The following WDPCP variants were observed in gnomAD, a reference collection of about 807,000 sequenced individuals.
The protein encoded by WDPCP is WD repeat-containing and planar cell polarity effector protein fritz homolog.
A neutral mutation model predicts 93.1 loss-of-function variants in WDPCP; 71 were observed. That is an observed-to-expected ratio of 0.76 (90% CI 0.63 to 0.93). The LOEUF (loss-of-function observed/expected upper bound fraction) is 0.93, where lower values mean the gene tolerates loss of function less well. WDPCP is among the 40% of genes least tolerant of loss of function. The pLI is 0.00. For missense variants in WDPCP, 844 were observed against 887.4 expected, an observed-to-expected ratio of 0.95 and a Z score of 0.62; for synonymous variants, 315 against 315.0, an observed-to-expected ratio of 1.00 and a Z score of 0.00.
intron 15 of WDPCP, among the ~76,000 whole-genome samples, chr2:63,156,939 C>T (rs1015583510): frequency 1.3e-4 from 20 of 151,976 alleles, no homozygotes; most frequent in African/African-American, 4.3e-4. Flanking sequence ...GGAGAACATT[C>T]AGTCTTTCTC....
chr2:63,594,499 C>A, intron 3 of WDPCP: 2 of 1,612,992 alleles, frequency 1.2e-6, no homozygotes, highest in South Asian at 1.1e-5. Flanking sequence ...CTGAACCAAT[C>A]AGAGTCCTTG....
chr2:63,186,773 A>G (rs1674666814), intron 14 of WDPCP, among the ~76,000 whole-genome samples: 1 of 150,064 alleles, frequency 6.7e-6, no homozygotes, highest in Non-Finnish European at 1.5e-5. Context: ...TGAATAAAAG[A>G]GCACTATATG....
intron 13 of WDPCP, among the ~76,000 whole-genome samples, chr2:63,277,177 TGA>T (rs908425718): frequency 3.6e-4 from 55 of 151,992 alleles, no homozygotes; most frequent in African/African-American, 1.2e-3. Context: ...AGACAAATGC[TGA>T]GAGAATTCGC....
At chr2:63,298,957 G>A (rs1347306370) in intron 13 of WDPCP, among the ~76,000 whole-genome samples, 1 of 152,228 alleles carries the variant, frequency 6.6e-6, no homozygotes, top group Non-Finnish European at 1.5e-5. Context: ...TATGTAGCCA[G>A]TAAGCCACAT....
At chr2:63,505,768 G>A (rs1701831609) in intron 1 of WDPCP, among the ~76,000 whole-genome samples, 1 of 151,952 alleles carries the variant, frequency 6.6e-6, no homozygotes, top group Non-Finnish European at 1.5e-5. Flanking sequence ...ATTATTTTTA[G>A]TATGATTCAA....
chr2:63,589,278 T>C, upstream of WDPCP: 1 of 1,551,140 alleles, frequency 6.4e-7, no homozygotes, highest in South Asian at 1.2e-5. Flanking sequence ...GAGAAGTAGT[T>C]GTCCTGGGAG....
intron 15 of WDPCP, chr2:63,168,580 T>G (rs1673164951): frequency 6.6e-6 from 1 of 152,206 alleles, no homozygotes; most frequent in African/African-American, 2.4e-5. Flanking sequence ...AATTTTGATA[T>G]ATTTGCTGTG....
intron 2 of WDPCP, among the ~76,000 whole-genome samples, chr2:63,690,508 A>G (rs904615813): frequency 5.3e-5 from 8 of 152,178 alleles, no homozygotes; most frequent in Non-Finnish European, 8.8e-5. Flanking sequence ...TAATCCCAGC[A>G]CTTTGGAGGC....
chr2:63,345,653 C>A (rs1689142031), intron 12 of WDPCP, among the ~76,000 whole-genome samples: 1 of 152,122 alleles, frequency 6.6e-6, no homozygotes, highest in Admixed American at 6.6e-5. Context: ...TGTTAAGATG[C>A]AACATCAAGG....
At chr2:63,287,403 C>T (rs1684086745) in intron 13 of WDPCP, among the ~76,000 whole-genome samples, 1 of 151,814 alleles carries the variant, frequency 6.6e-6, no homozygotes, top group Non-Finnish European at 1.5e-5. Context: ...TGACTTTTCT[C>T]CACTCACTCA....
At chr2:63,237,147 AT>A (rs1277834877) in intron 14 of WDPCP, among the ~76,000 whole-genome samples, 4 of 152,074 alleles carry the variant, frequency 2.6e-5, no homozygotes, top group Non-Finnish European at 4.4e-5. Flanking sequence ...GAAAAAAAAA[AT>A]AACCCCATTA....
chr2:63,606,934 A>G lies in WDPCP; in HGVS notation n.488+43725T>C, dbSNP rs546020380. 19 of 1,613,076 alleles carry G rather than the reference A, an allele frequency of 1.2e-5. No homozygotes were observed. In the East Asian group the frequency reaches 1.6e-4, roughly 13 times the overall value. On this transcript the variant is annotated intron_variant and non_coding_transcript_variant, in intron 3 of 4. Transcript: ENST00000467687. Reference sequence around the variant, plus strand: ...ACGTGAGAAGATGGATCTTACTGCAAAGGAACTGACAGAAGAAAAAGAAAG... The same window carrying G: ...ACGTGAGAAGATGGATCTTACTGCAGAGGAACTGACAGAAGAAAAAGAAAG...
chr2:63,687,784 CA>C (rs981222265), intron 2 of WDPCP, among the ~76,000 whole-genome samples: 1 of 150,978 alleles, frequency 6.6e-6, no homozygotes, highest in Non-Finnish European at 1.5e-5. Flanking sequence ...GGAGGTTCCT[CA>C]AAAAAACAAA....
At chr2:63,717,738 C>T (rs1357342062) in intron 2 of WDPCP, 2 of 424,134 alleles carry the variant, frequency 4.7e-6, no homozygotes, top group Non-Finnish European at 9.2e-6. Context: ...GGTGTTGCTC[C>T]AGTACTGCGG....
At chr2:63,580,910 G>T (rs1288042083) in intron 1 of WDPCP, among the ~76,000 whole-genome samples, 1 of 152,154 alleles carries the variant, frequency 6.6e-6, no homozygotes, top group African/African-American at 2.4e-5. Context: ...ACTCTCGAAT[G>T]ATTCAGAAAA....
chr2:63,262,109 T>C (rs1038185191), intron 13 of WDPCP, among the ~76,000 whole-genome samples: 3 of 152,216 alleles, frequency 2.0e-5, no homozygotes, highest in African/African-American at 7.2e-5. Context: ...ATCTATGCTC[T>C]TAAGAATAGT....
chr2:63,568,545 A>G (rs942787089), intron 1 of WDPCP, among the ~76,000 whole-genome samples: 2 of 152,228 alleles, frequency 1.3e-5, no homozygotes, highest in African/African-American at 4.8e-5. Flanking sequence ...CAGAAAGGGT[A>G]CACTCACCAG....
intron 17 of WDPCP, among the ~76,000 whole-genome samples, chr2:63,136,543 C>CT (rs901756072): frequency 9.9e-5 from 15 of 151,796 alleles, no homozygotes; most frequent in Non-Finnish European, 1.9e-4. Context: ...AACAAATATT[C>CT]TTTTTTTTAA....
At chr2:63,833,153 T>C in the WDPCP span, among the ~76,000 whole-genome samples, 1 of 152,138 alleles carries the variant, frequency 6.6e-6, no homozygotes, top group East Asian at 1.9e-4. Flanking sequence ...CTCAAGAGAC[T>C]GAGGCAGGAG....
Sources: allele counts gnomAD v4.1 joint callset (sites outside exome capture counted in the v4.1 genomes callset), GRCh38; gene constraint gnomAD v4.1.1; transcripts MANE v1.5; gene names NCBI Gene and HGNC (gene_info 2026-07-23, HGNC 2026-07-21).